Variants in CMIP observed in about 807,000 individuals in gnomAD.
CMIP encodes the protein c-Maf inducing protein.
Under a neutral mutation model 97.3 loss-of-function variants are expected in CMIP, and 13 were observed. The ratio of observed to expected loss-of-function variants is 0.13; its 90% CI spans 0.09 to 0.21. CMIP has a LOEUF of 0.21. Ranked by LOEUF, CMIP falls within the 10% of genes least tolerant of loss-of-function variation. CMIP has a pLI of 1.00. For synonymous variants in CMIP, 538 were observed against 436.3 expected (o/e 1.23, Z -2.91); for missense variants, 847 against 1,024.9 (o/e 0.83, Z 2.37).
chr16:81,644,224 G>A (rs1258762732), intron 3 of CMIP, among the ~76,000 whole-genome samples: 1 of 152,210 alleles, frequency 6.6e-6, no homozygotes, highest in Non-Finnish European at 1.5e-5. Context: ...CTCCAGTCAT[G>A]GTGGTGCTGG....
intron 3 of CMIP, among the ~76,000 whole-genome samples, chr16:81,635,540 C>G (rs1457586356): frequency 6.6e-6 from 1 of 152,148 alleles, no homozygotes; most frequent in Admixed American, 6.5e-5. Context: ...TTATGCAGTG[C>G]CATTTGTGTA....
At chr16:81,536,944 C>A (rs1435791144) in intron 1 of CMIP, among the ~76,000 whole-genome samples, 1 of 152,184 alleles carries the variant, frequency 6.6e-6, no homozygotes, top group African/African-American at 2.4e-5. Context: ...CGTTGCTCTC[C>A]CCAGGGGTAA....
intron 1 of CMIP, among the ~76,000 whole-genome samples, chr16:81,457,829 TCTGGCATGGTGTGGGGCCAAG>T (rs2150735109): frequency 6.6e-6 from 1 of 152,240 alleles, no homozygotes; most frequent in South Asian, 2.1e-4. Flanking sequence ...TGTCCCCATG[TCTGGCATGGTGTGGGGCCAAG>T]AGCCGGTGGG....
At chr16:81,585,708 T>G (rs1366847340) in intron 1 of CMIP, among the ~76,000 whole-genome samples, 1 of 126,456 alleles carries the variant, frequency 7.9e-6, no homozygotes, top group Non-Finnish European at 1.8e-5. Context: ...TCCCTGGACC[T>G]TAGAAATTCC....
chr16:81,532,010 C>T (rs1005522473), intron 1 of CMIP, among the ~76,000 whole-genome samples: 4 of 152,180 alleles, frequency 2.6e-5, no homozygotes, highest in African/African-American at 4.8e-5. Flanking sequence ...CATTTCATGG[C>T]GCTTCTTCTG....
chr16:81,607,585 A>C lies in CMIP; in HGVS notation c.319A>C (p.Asn107His). The change falls in exon 2 of 21, where the codon AAC becomes CAC. Residue 107 changes from asparagine to histidine, a missense_variant. This residue lies in a region of CMIP where 285 missense variants were observed against 392.2 expected (regional missense o/e 0.73). Transcript: ENST00000537098. ...ASATPTGYME[N>H]SVSYSAIEDV... is the part of the protein sequence containing the mutation. ...GCTGCAGCCAACTGGGTACATGGAA[A>C]ACTCAGTCTCCTACAGCGCAATTGA... 2.5e-6 allele frequency: 4 copies of C among 1,613,916 alleles called. No individual in the cohort carries two copies. The highest frequency in any genetic ancestry group is 2.5e-6 in the Non-Finnish European group (3 of 1,179,868).
chr16:81,493,437 G>A (rs937071108), intron 1 of CMIP, among the ~76,000 whole-genome samples: 3 of 147,372 alleles, frequency 2.0e-5, no homozygotes, highest in Non-Finnish European at 4.5e-5. Context: ...ACTTCCTCAA[G>A]TCTTTGTGAG....
intron 3 of CMIP, among the ~76,000 whole-genome samples, chr16:81,643,619 C>T (rs1312256106): frequency 1.3e-5 from 2 of 152,000 alleles, no homozygotes; most frequent in Non-Finnish European, 2.9e-5. Context: ...GTGTGAAACC[C>T]CATCTCTACT....
chr16:81,477,103 G>A (rs574876771), intron 1 of CMIP, among the ~76,000 whole-genome samples: 1 of 152,058 alleles, frequency 6.6e-6, no homozygotes, highest in Non-Finnish European at 1.5e-5. Flanking sequence ...ATGGCAGCTG[G>A]TTGTGTCTAT....
intron 1 of CMIP, among the ~76,000 whole-genome samples, chr16:81,575,350 C>T (rs1364128862): frequency 6.6e-6 from 1 of 152,160 alleles, no homozygotes; most frequent in East Asian, 1.9e-4. Flanking sequence ...GCCCCTTCCT[C>T]TCTCTCCCCA....
chr16:81,502,529 C>T (rs369772884), intron 1 of CMIP, among the ~76,000 whole-genome samples: 49 of 152,102 alleles, frequency 3.2e-4, no homozygotes, highest in Middle Eastern at 3.2e-3. Context: ...ATTCGCTCAG[C>T]GATCCATGGG....
At position 81,499,454 on chromosome 16, in the gene CMIP, G is replaced by A. The variant is rs529467967; in HGVS notation, c.300+53913G>A. On this transcript the variant is annotated intron_variant, in intron 1 of 20. Transcript: ENST00000537098. Reference sequence around the variant, plus strand: ...TTCTCCCAAGTGCCCAGTTCGGGAGGGAAGTGACTGCACAGATCTGGACCT... The same window carrying A: ...TTCTCCCAAGTGCCCAGTTCGGGAGAGAAGTGACTGCACAGATCTGGACCT... Among the ~76,000 whole-genome samples, 12 of 152,330 alleles carry A rather than the reference G, an allele frequency of 7.9e-5. No homozygotes were observed. In the South Asian group the frequency reaches 2.1e-3, roughly 26 times the overall value.
At chr16:81,547,248 C>T (rs570572368) in intron 1 of CMIP, among the ~76,000 whole-genome samples, 1 of 152,278 alleles carries the variant, frequency 6.6e-6, no homozygotes, top group East Asian at 1.9e-4. Context: ...GGAAGGGGTT[C>T]AGCGCGGCTG....
At chr16:81,555,173 G>C (rs1472099254) in intron 1 of CMIP, among the ~76,000 whole-genome samples, 1 of 152,226 alleles carries the variant, frequency 6.6e-6, no homozygotes, top group Non-Finnish European at 1.5e-5. Context: ...CTCTCTTGCA[G>C]AAATCCACAA....
intron 7 of CMIP, among the ~76,000 whole-genome samples, chr16:81,669,134 A>T (rs2092649216): frequency 1.3e-5 from 1 of 74,700 alleles, no homozygotes; most frequent in Non-Finnish European, 2.7e-5. Flanking sequence ...CTCCTTCCAC[A>T]CCCACTTCAT....
chr16:81,476,163 A>G (rs1907903466), intron 1 of CMIP: 1 of 1,143,328 alleles, frequency 8.7e-7, no homozygotes, highest in South Asian at 1.2e-5. Context: ...TCAACCACTC[A>G]GTCTTGGCAG....
At chr16:81,549,862 C>T (rs924162873) in intron 1 of CMIP, among the ~76,000 whole-genome samples, 14 of 152,122 alleles carry the variant, frequency 9.2e-5, no homozygotes, top group Non-Finnish European at 8.8e-5. Context: ...GTGCATATGC[C>T]AGTGTGTATG....
intron 1 of CMIP, among the ~76,000 whole-genome samples, chr16:81,510,649 G>A (rs1488200076): frequency 6.6e-6 from 1 of 152,128 alleles, no homozygotes; most frequent in African/African-American, 2.4e-5. Context: ...TGATGGACCA[G>A]TCCAAGACCA....
chr16:81,607,986 TA>T (rs994577278), intron 2 of CMIP, among the ~76,000 whole-genome samples: 5 of 152,228 alleles, frequency 3.3e-5, no homozygotes, highest in African/African-American at 1.2e-4. Context: ...ATCCCCATTT[TA>T]CAGATGAGGA....
Sources: gnomAD v4.1 joint callset for allele counts (sites outside exome capture counted in the v4.1 genomes callset) on GRCh38, gnomAD v4.1.1 for gene constraint, gnomAD v4.1.1 regional missense constraint, MANE v1.5 for transcripts, NCBI Gene and HGNC (gene_info 2026-07-23, HGNC 2026-07-21) for gene names.